Variants in NPIPB2 observed in about 807,000 individuals in gnomAD.
NPIPB2 encodes nuclear pore complex-interacting protein family member B2.
A neutral mutation model predicts 30.8 loss-of-function variants in NPIPB2; 27 were observed. The observed-to-expected ratio is 0.88, with a 90% CI of 0.65 to 1.21. The LOEUF is 1.21. Among genes scored for constraint, NPIPB2 ranks in the 50% most tolerant of loss-of-function variants. The pLI is 0.00. For missense variants in NPIPB2, 440 were observed against 446.2 expected (o/e 0.99, Z 0.13); for synonymous variants, 147 against 162.0 (o/e 0.91, Z 0.70).
intron 1 of NPIPB2, among the ~76,000 whole-genome samples, chr16:11,964,186 C>T (rs967577852): frequency 5.9e-5 from 9 of 152,056 alleles, no homozygotes; most frequent in Non-Finnish European, 1.2e-4. Flanking sequence ...CAGGTGTTAG[C>T]GGTGATGACT....
At chr16:11,949,365 G>C (rs2055043152) in intron 1 of NPIPB2, among the ~76,000 whole-genome samples, 1 of 152,150 alleles carries the variant, frequency 6.6e-6, no homozygotes, top group South Asian at 2.1e-4. Flanking sequence ...GTGAAGTTGT[G>C]TGACCAGCGC....
At chr16:11,974,983 G>A (rs1227753725) in intron 1 of NPIPB2, among the ~76,000 whole-genome samples, 4 of 151,254 alleles carry the variant, frequency 2.6e-5, no homozygotes, top group African/African-American at 9.7e-5. Context: ...GCTGAGGCAG[G>A]AGAATCACTT....
At chr16:11,976,211 G>A (rs951315766) in intron 1 of NPIPB2, among the ~76,000 whole-genome samples, 1 of 152,108 alleles carries the variant, frequency 6.6e-6, no homozygotes, top group Non-Finnish European at 1.5e-5. Flanking sequence ...TTACAGGCGT[G>A]AGCCACCGCA....
chr16:11,961,119 T>G (rs2150935823), intron 1 of NPIPB2, among the ~76,000 whole-genome samples: 1 of 152,292 alleles, frequency 6.6e-6, no homozygotes, highest in African/African-American at 2.4e-5. Flanking sequence ...TGCTTCAGCC[T>G]CCCAAAGTGC....
At chr16:11,930,475 C>G (rs2054776346) in exon 5 of NPIPB2, 3 of 1,578,088 alleles carry the variant, frequency 1.9e-6, no homozygotes, top group Non-Finnish European at 2.6e-6. Context: ...TCTTTCATAT[C>G]CAATTTCCCA....
At chr16:11,947,817 C>T (rs2055026360) in intron 1 of NPIPB2, among the ~76,000 whole-genome samples, 1 of 151,426 alleles carries the variant, frequency 6.6e-6, no homozygotes, top group Admixed American at 6.6e-5. Flanking sequence ...TTGCACTGAC[C>T]GGCTTCGTCC....
intron 1 of NPIPB2, among the ~76,000 whole-genome samples, chr16:11,974,473 C>T (rs1194841560): frequency 3.3e-5 from 5 of 152,068 alleles, no homozygotes; most frequent in Admixed American, 3.3e-4. Flanking sequence ...GCCGAGATCG[C>T]GCCATTGCAC....
At chr16:11,957,561 T>A (rs1258784879) in intron 1 of NPIPB2, among the ~76,000 whole-genome samples, 1 of 152,174 alleles carries the variant, frequency 6.6e-6, no homozygotes, top group African/African-American at 2.4e-5. Context: ...CCCAAAGTGC[T>A]GGGATTACAG....
At chr16:11,946,584 A>G (rs1290945091), upstream of NPIPB2, among the ~76,000 whole-genome samples, 1 of 151,868 alleles carries the variant, frequency 6.6e-6, no homozygotes, top group East Asian at 1.9e-4. Flanking sequence ...AAGAAAAGCA[A>G]TGCATAATGA....
chr16:11,940,241 T>C (rs1365638338), intron 1 of NPIPB2, among the ~76,000 whole-genome samples: 1 of 116,096 alleles, frequency 8.6e-6, no homozygotes, highest in Non-Finnish European at 2.1e-5. Flanking sequence ...TCCCAGCCAC[T>C]CGGGAGGCTG....
intron 2 of NPIPB2, among the ~76,000 whole-genome samples, chr16:11,934,656 G>A (rs1437860598): frequency 6.6e-6 from 1 of 151,678 alleles, no homozygotes; most frequent in Non-Finnish European, 1.5e-5. Context: ...GTCAAGAGAT[G>A]GACACCATCT....
At chr16:11,950,693 C>T (rs777747795) in intron 1 of NPIPB2, among the ~76,000 whole-genome samples, 9 of 152,022 alleles carry the variant, frequency 5.9e-5, no homozygotes, top group Non-Finnish European at 1.2e-4. Flanking sequence ...TCTTTTCTAC[C>T]GCTCCCTCCC....
chr16:11,975,571 T>A (rs2055280756), intron 1 of NPIPB2, among the ~76,000 whole-genome samples: 1 of 151,692 alleles, frequency 6.6e-6, no homozygotes, highest in Non-Finnish European at 1.5e-5. Context: ...TAATTCATTC[T>A]CATCCCAGGA....
intron 1 of NPIPB2, chr16:11,956,115 T>C (rs1202615214): frequency 6.6e-6 from 1 of 152,244 alleles, no homozygotes; most frequent in African/African-American, 2.4e-5. Flanking sequence ...AGACCCATGT[T>C]GATGGGCACC....
intron 1 of NPIPB2, among the ~76,000 whole-genome samples, chr16:11,953,200 C>T (rs2055082967): frequency 6.6e-6 from 1 of 152,076 alleles, no homozygotes; most frequent in Admixed American, 6.6e-5. Flanking sequence ...GCCTGGAGTG[C>T]AGTGGCGCAA....
chr16:11,950,064 C>G (rs537465632), intron 1 of NPIPB2, among the ~76,000 whole-genome samples: 1 of 152,168 alleles, frequency 6.6e-6, no homozygotes, highest in Non-Finnish European at 1.5e-5. Context: ...GAGATGGAGT[C>G]TCGCTCTGTC....
upstream of NPIPB2, chr16:11,942,101 A>G (rs1432206206): frequency 1.9e-5 from 29 of 1,531,506 alleles, no homozygotes; most frequent in East Asian, 4.6e-4. Context: ...CCATGTAGCC[A>G]TCTGTCCATC....
rs200493261 is a variant in NPIPB2, at chr16:11,934,857, CAAA to C, written c.193-936_193-934del. Among the ~76,000 whole-genome samples, 761 of 97,628 alleles carry C rather than the reference CAAA, an allele frequency of 7.8e-3. 23 individuals are homozygous for C. The highest frequency in any genetic ancestry group is 0.053 in the Admixed American group (481 of 9,106). 64.0% of individuals were successfully genotyped at this position (97,628 alleles called of 152,430 possible). On this transcript the variant is annotated intron_variant, in intron 2 of 7. Transcript: ENST00000399147. ...CTGGTGACAGAGTGAGACTCTGTCT[CAAA>C]AAAAAAAAAAAAAAATGACCTGAAT...
chr16:11,948,750 G>T (rs368941165), intron 1 of NPIPB2, among the ~76,000 whole-genome samples: 1 of 114,810 alleles, frequency 8.7e-6, no homozygotes, highest in African/African-American at 3.1e-5. Flanking sequence ...CTGGGTGACA[G>T]AGCGAGACTC....
Sources: allele counts gnomAD v4.1 joint callset (sites outside exome capture counted in the v4.1 genomes callset), GRCh38; gene constraint gnomAD v4.1.1; transcripts MANE v1.5; gene names NCBI Gene and HGNC (gene_info 2026-07-23, HGNC 2026-07-21).